Variants in PRKD1 observed in about 807,000 individuals in gnomAD.
The protein encoded by PRKD1 is serine/threonine-protein kinase D1.
A neutral mutation model predicts 95.9 loss-of-function variants in PRKD1; 63 were observed. The observed-to-expected ratio is 0.66, with a 90% CI of 0.54 to 0.81. PRKD1 has a LOEUF of 0.81. Ranked by LOEUF, PRKD1 falls within the 30% of genes least tolerant of loss-of-function variation. The probability of loss-of-function intolerance (pLI) is 0.00; values close to 1 mark genes in which losing one functional copy is unlikely to be tolerated. For synonymous variants in PRKD1, 425 were observed against 423.1 expected (o/e 1.00, Z -0.05); for missense variants, 1,048 against 1,165.3 (o/e 0.90, Z 1.47).
At chr14:29,695,270 A>G (rs564649722) in intron 2 of PRKD1, among the ~76,000 whole-genome samples, 14 of 151,530 alleles carry the variant, frequency 9.2e-5, no homozygotes, top group African/African-American at 3.4e-4. Flanking sequence ...CAATTGATAT[A>G]TCTGTGAATG....
rs536499479 is a variant in PRKD1 at position 29,819,486 on chromosome 14, C to T, written c.265-93812G>A. Reference sequence around the variant, plus strand: ...CAGGCGGATCACGAGGTCAGGAGATCGAGACCATCCTGGCTAACGCAGTGA... The same window carrying T: ...CAGGCGGATCACGAGGTCAGGAGATTGAGACCATCCTGGCTAACGCAGTGA... On this transcript the variant is annotated intron_variant, in intron 1 of 17. Transcript: ENST00000331968. 7.9e-5 allele frequency among the ~76,000 whole-genome samples: 12 copies of T among 152,090 alleles called. No individual in the cohort carries two copies. The East Asian group carries it at 2.1e-3, about 27-fold the overall frequency.
intron 1 of PRKD1, among the ~76,000 whole-genome samples, chr14:29,854,570 C>A (rs1378343358): frequency 6.6e-6 from 1 of 152,186 alleles, no homozygotes; most frequent in African/African-American, 2.4e-5. Flanking sequence ...AGAAAATCTG[C>A]CGCCTGACAA....
At chr14:29,731,931 T>C (rs540241082) in intron 1 of PRKD1, among the ~76,000 whole-genome samples, 122 of 151,702 alleles carry the variant, frequency 8.0e-4, no homozygotes, top group Non-Finnish European at 1.5e-3. Context: ...TGGATTGCAA[T>C]GGTACGATCT....
chr14:29,668,727 G>T (rs1882669219), intron 2 of PRKD1, among the ~76,000 whole-genome samples: 1 of 152,184 alleles, frequency 6.6e-6, no homozygotes, highest in African/African-American at 2.4e-5. Flanking sequence ...AATAACGACA[G>T]ATCTTCCAAG....
intron 1 of PRKD1, among the ~76,000 whole-genome samples, chr14:29,801,384 T>C (rs1890019959): frequency 6.6e-6 from 1 of 152,192 alleles, no homozygotes; most frequent in Non-Finnish European, 1.5e-5. Context: ...CCTGGCTAAG[T>C]TGACACGTGT....
At chr14:29,835,275 T>C (rs1183245943) in intron 1 of PRKD1, among the ~76,000 whole-genome samples, 3 of 152,188 alleles carry the variant, frequency 2.0e-5, no homozygotes, top group African/African-American at 7.2e-5. Flanking sequence ...CAAATAATAA[T>C]TTGCATCTCA....
At chr14:29,738,436 T>C (rs1388043007) in intron 1 of PRKD1, among the ~76,000 whole-genome samples, 2 of 152,224 alleles carry the variant, frequency 1.3e-5, no homozygotes, top group East Asian at 1.9e-4. Flanking sequence ...CCATCGAAGA[T>C]AGGGCTTTGC....
chr14:29,879,287 C>T (rs1566651194), intron 1 of PRKD1, among the ~76,000 whole-genome samples: 1 of 152,176 alleles, frequency 6.6e-6, no homozygotes, highest in African/African-American at 2.4e-5. Context: ...GGAGGGACCG[C>T]GGTGGGGCGC....
At chr14:29,826,071 C>A (rs577174581) in intron 1 of PRKD1, among the ~76,000 whole-genome samples, 20 of 151,226 alleles carry the variant, frequency 1.3e-4, no homozygotes, top group African/African-American at 4.9e-4. Context: ...AACCTAAATG[C>A]CCATCAATCA....
chr14:29,924,268 A>T (rs550841479), intron 1 of PRKD1, among the ~76,000 whole-genome samples: 1 of 152,210 alleles, frequency 6.6e-6, no homozygotes, highest in South Asian at 2.1e-4. Context: ...ATAAGTCAGT[A>T]TATACTTAGG....
At chr14:29,715,665 A>C (rs1425758452) in intron 2 of PRKD1, among the ~76,000 whole-genome samples, 3 of 152,172 alleles carry the variant, frequency 2.0e-5, no homozygotes, top group Admixed American at 6.6e-5. Context: ...CAAACATTCT[A>C]ACTAAAAACA....
At chr14:29,746,734 T>C (rs1320237384) in intron 1 of PRKD1, among the ~76,000 whole-genome samples, 2 of 152,162 alleles carry the variant, frequency 1.3e-5, no homozygotes, top group African/African-American at 4.8e-5. Flanking sequence ...TGTTCATTAT[T>C]CAGTGAACGA....
intron 1 of PRKD1, among the ~76,000 whole-genome samples, chr14:29,799,687 G>A (rs1889949289): frequency 6.6e-6 from 1 of 151,888 alleles, no homozygotes; most frequent in Non-Finnish European, 1.5e-5. Context: ...ATGTAGATCT[G>A]ATCCTCATTA....
chr14:29,730,955 AATATT>A (rs1886404254), intron 1 of PRKD1, among the ~76,000 whole-genome samples: 1 of 152,126 alleles, frequency 6.6e-6, no homozygotes, highest in South Asian at 2.1e-4. Context: ...TATAGATAAT[AATATT>A]ATATTGTATT....
At chr14:29,583,027 G>T (rs1009077154) in intron 16 of PRKD1, among the ~76,000 whole-genome samples, 1 of 152,152 alleles carries the variant, frequency 6.6e-6, no homozygotes, top group East Asian at 1.9e-4. Context: ...TAGGATGCTC[G>T]TGCCCCAGTG....
rs1566622853 is a variant in PRKD1, at chr14:29,826,784, TATATAC to T, written c.264+100459_264+100464del. Reference sequence around the variant, plus strand: ...ATATATATATACACATATATATACATATATACACATATATATACACATATATATACA... The same window carrying T: ...ATATATATATACACATATATATACATACATATATATACACATATATATACA... On this transcript the variant is annotated intron_variant, in intron 1 of 17. Coordinates refer to ENST00000331968, the MANE Select transcript of PRKD1 (RefSeq NM_002742.3). Among the ~76,000 whole-genome samples the T allele has an allele frequency of 5.2e-3, 270 of 51,500 alleles. 19 individuals carry two copies. Among genetic ancestry groups the T allele is most frequent in the Middle Eastern group, 0.013 (1 of 76 alleles). 33.8% of individuals were successfully genotyped at this position (51,500 alleles called of 152,430 possible).
intron 13 of PRKD1, among the ~76,000 whole-genome samples, chr14:29,610,707 A>G (rs1363421639): frequency 6.6e-6 from 1 of 152,232 alleles, no homozygotes; most frequent in Non-Finnish European, 1.5e-5. Flanking sequence ...AGAAACCTGC[A>G]GAGATACTTA....
intron 1 of PRKD1, among the ~76,000 whole-genome samples, chr14:29,844,131 T>G (rs1009062331): frequency 1.3e-5 from 2 of 152,196 alleles, no homozygotes; most frequent in Admixed American, 1.3e-4. Flanking sequence ...GGCTCCAGAT[T>G]TTCTTTAAGG....
rs1030098599 is a variant in PRKD1 at position 29,651,698 on chromosome 14, T to C, written c.696+12001A>G. 4.4e-4 allele frequency among the ~76,000 whole-genome samples: 67 copies of C among 151,708 alleles called. 1 individual carries two copies. The highest frequency in any genetic ancestry group is 1.6e-3 in the African/African-American group (65 of 41,158). The stretch of plus-strand genomic sequence containing the variant: ...CACATTCATGAGGACATATAAACTG[T>C]TGAAGTGAACATAAGTAACCTTTTT... On this transcript the variant is annotated intron_variant, in intron 4 of 17. Coordinates refer to ENST00000331968, the MANE Select transcript of PRKD1 (RefSeq NM_002742.3).
Sources: allele counts gnomAD v4.1 joint callset (sites outside exome capture counted in the v4.1 genomes callset), GRCh38; gene constraint gnomAD v4.1.1; transcripts MANE v1.5; gene names NCBI Gene and HGNC (gene_info 2026-07-23, HGNC 2026-07-21).